Variants in SLCO1B3 observed in about 807,000 individuals in gnomAD.
The protein encoded by SLCO1B3 is solute carrier organic anion transporter family member 1B3, also known as liver-specific organic anion transporter 2.
A neutral mutation model predicts 71.8 loss-of-function variants in SLCO1B3; 72 were observed. The observed-to-expected ratio is 1.00, with a 90% CI of 0.83 to 1.22. The LOEUF is 1.22. SLCO1B3 is among the 50% of genes most tolerant of loss of function. The probability of loss-of-function intolerance (pLI) is 0.00; values close to 1 mark genes in which losing one functional copy is unlikely to be tolerated. For synonymous variants in SLCO1B3, 298 were observed against 278.4 expected (o/e 1.07, Z -0.70); for missense variants, 911 against 819.7 (o/e 1.11, Z -1.36).
intron 4 of SLCO1B3, among the ~76,000 whole-genome samples, chr12:20,857,500 A>G (rs937213240): frequency 6.6e-6 from 1 of 151,764 alleles, no homozygotes; most frequent in African/African-American, 2.4e-5. Context: ...CATCTTTTAT[A>G]TCAAGTTCTA....
chr12:20,881,524 A>T (rs1018878441), intron 12 of SLCO1B3, among the ~76,000 whole-genome samples: 1 of 152,186 alleles, frequency 6.6e-6, no homozygotes, highest in Non-Finnish European at 1.5e-5. Flanking sequence ...GAAATGAGTC[A>T]AGTCTTCATG....
rs1866088081 is a variant in SLCO1B3 at position 20,899,645 on chromosome 12, C to T, written c.1747+1145C>T. On this transcript the variant is annotated intron_variant, in intron 14 of 15. Transcript: ENST00000381545. ...AATCTTCCAGCCTCTGTAATCTTAG[C>T]AGTTCTCTACCTCCAGATTCAGAGA... Among the ~76,000 whole-genome samples the T allele has an allele frequency of 2.0e-5, 3 of 152,286 alleles. No homozygotes were observed. The South Asian group carries it at 6.2e-4, about 32-fold the overall frequency.
chr12:20,910,315 A>G (rs1384583788), intron 15 of SLCO1B3, among the ~76,000 whole-genome samples: 1 of 152,090 alleles, frequency 6.6e-6, no homozygotes, highest in Non-Finnish European at 1.5e-5. Flanking sequence ...ACCTATTCGT[A>G]TATTATTTTA....
chr12:20,868,615 TTA>T (rs1338500828), intron 8 of SLCO1B3, among the ~76,000 whole-genome samples: 2 of 151,742 alleles, frequency 1.3e-5, no homozygotes, highest in Non-Finnish European at 2.9e-5. Context: ...GGTGGGTCTC[TTA>T]CTGTGTGCGG....
At chr12:20,902,149 G>T in intron 15 of SLCO1B3, 1 of 232,648 alleles carries the variant, frequency 4.3e-6, no homozygotes, top group Non-Finnish European at 8.6e-6. Flanking sequence ...GAAAAATAAT[G>T]GTGAAAGGAT....
intron 4 of SLCO1B3, among the ~76,000 whole-genome samples, chr12:20,856,964 AT>A (rs11333408): frequency 0.6 from 91,008 of 151,692 alleles, 29,402 homozygotes; most frequent in South Asian, 0.83. Flanking sequence ...GACTGTAATT[AT>A]TTTTTTTTAG....
Position 20,839,984 on chromosome 12 carries a change from T to G in SLCO1B3, c.85-15044T>G, listed in dbSNP as rs1230909820. On this transcript the variant is annotated intron_variant, in intron 3 of 15. Coordinates refer to ENST00000381545, the MANE Select transcript of SLCO1B3 (RefSeq NM_019844.4). ...AATTACTTATTTCTGCTACAATATT[T>G]TGATCTCTAGCATTTGTTTTTGGTT... 2.0e-5 allele frequency among the ~76,000 whole-genome samples: 3 copies of G among 152,340 alleles called. No homozygotes were observed. The East Asian group carries it at 5.8e-4, about 29-fold the overall frequency.
chr12:20,855,200 T>C, intron 4 of SLCO1B3, 31 bp downstream of exon 4: 4 of 1,568,018 alleles, frequency 2.6e-6, no homozygotes, highest in Non-Finnish European at 3.5e-6. Context: ...TTGATAACCA[T>C]ACTTGCATAA....
chr12:20,902,788 G>A (rs1209175225), intron 15 of SLCO1B3, among the ~76,000 whole-genome samples: 4 of 152,042 alleles, frequency 2.6e-5, no homozygotes, highest in African/African-American at 9.7e-5. Flanking sequence ...CCAAAAACAG[G>A]CCGGATGCAG....
At chr12:20,855,684 T>C (rs1290769123) in intron 4 of SLCO1B3, among the ~76,000 whole-genome samples, 2 of 150,964 alleles carry the variant, frequency 1.3e-5, no homozygotes, top group Admixed American at 6.6e-5. Flanking sequence ...ACATTGAAGA[T>C]ACTGCTTTGA....
At chr12:20,867,535 G>A (rs574923306) in intron 8 of SLCO1B3, among the ~76,000 whole-genome samples, 1 of 152,260 alleles carries the variant, frequency 6.6e-6, no homozygotes, top group South Asian at 2.1e-4. Flanking sequence ...ACAACTTGAT[G>A]GAGATAAGTG....
At chr12:20,899,819 C>T (rs1866093396) in intron 14 of SLCO1B3, among the ~76,000 whole-genome samples, 1 of 152,164 alleles carries the variant, frequency 6.6e-6, no homozygotes, top group African/African-American at 2.4e-5. Context: ...TTTTGCCATT[C>T]TAATTGTGAA....
At chr12:20,883,699 T>A (rs1189038593) in intron 13 of SLCO1B3, 97 bp downstream of exon 13, 2 of 772,246 alleles carry the variant, frequency 2.6e-6, no homozygotes, top group Non-Finnish European at 4.1e-6. Context: ...AATTCATATT[T>A]TGTCAATTTT....
chr12:20,911,478 T>A (rs780555833), intron 15 of SLCO1B3, among the ~76,000 whole-genome samples: 110 of 152,192 alleles, frequency 7.2e-4, no homozygotes, highest in Non-Finnish European at 1.3e-3. Flanking sequence ...GTATTCCTGC[T>A]GCTTCTATTC....
chr12:20,914,863 A>C (rs750287511), intron 15 of SLCO1B3, among the ~76,000 whole-genome samples: 18 of 152,130 alleles, frequency 1.2e-4, no homozygotes, highest in South Asian at 2.1e-4. Context: ...TGGTTTCTGA[A>C]GAGAAGGCTG....
chr12:20,862,624 T>C (rs1865291038), intron 7 of SLCO1B3, 66 bp downstream of exon 7: 8 of 1,494,248 alleles, frequency 5.4e-6, no homozygotes, highest in Non-Finnish European at 6.4e-6. Flanking sequence ...AATAATAATG[T>C]CATTATTTTT....
rs764236010 is a variant in SLCO1B3 at position 20,916,011 on chromosome 12, T to A, written c.1873T>A (p.Tyr625Asn). The A allele has an allele frequency of 1.9e-6, 3 of 1,600,514 alleles. No homozygotes were observed. Among genetic ancestry groups the A allele is most frequent in the Non-Finnish European group, 1.7e-6 (2 of 1,170,552 alleles). ...IYNSVFFGRV[Y>N]LGLSIALRFP... The stretch of plus-strand genomic sequence containing the variant: ...TATTTTCTCTTTTCACAGAAGGGTC[T>A]ACTTGGGCTTATCTATAGCTTTAAG... Residue 625 changes from tyrosine (Y) to asparagine (N), a missense_variant, in exon 16 of 16, where the codon TAC becomes AAC. Tyr to Asn is a moderately radical substitution (Grantham distance 143, BLOSUM62 -2). Coordinates refer to ENST00000381545, the MANE Select transcript of SLCO1B3 (RefSeq NM_019844.4).
In SLCO1B3 at chr12:20,862,305, GAAAC is replaced by G. The variant is rs546465358; in HGVS notation, c.482-95_482-92del. The G allele has an allele frequency of 7.5e-4, 947 of 1,265,516 alleles. 1 individual carries two copies. The highest frequency in any genetic ancestry group is 2.2e-3 in the Middle Eastern group (8 of 3,634). 78.4% of individuals were successfully genotyped at this position (1,265,516 alleles called of 1,614,324 possible). On this transcript the variant is annotated intron_variant, in intron 6 of 15. Transcript: ENST00000381545. ...GTGAATATGAATCACTTGTAATTAGGAAACAAACAAACAAAAAATGGAAAAATGA... is the reference window on the plus strand; with the variant it reads ...GTGAATATGAATCACTTGTAATTAGGAAACAAACAAAAAATGGAAAAATGA...
chr12:20,834,181 A>G (rs1864620257), intron 3 of SLCO1B3, among the ~76,000 whole-genome samples: 1 of 146,020 alleles, frequency 6.8e-6, no homozygotes, highest in Non-Finnish European at 1.5e-5. Context: ...GTATGTATAT[A>G]GTAAACATAT....
Sources: gnomAD v4.1 joint callset for allele counts (sites outside exome capture counted in the v4.1 genomes callset) on GRCh38, gnomAD v4.1.1 for gene constraint, MANE v1.5 for transcripts, NCBI Gene and HGNC (gene_info 2026-07-23, HGNC 2026-07-21) for gene names.